The following ARV1 variants were observed in gnomAD, a reference collection of about 807,000 sequenced individuals.
ARV1 encodes ARV1 fatty acid homeostasis modulator, also known as protein ARV1.
A neutral mutation model predicts 31.1 loss-of-function variants in ARV1; 26 were observed. The ratio of observed to expected loss-of-function variants is 0.84; its 90% CI spans 0.61 to 1.16. The LOEUF (loss-of-function observed/expected upper bound fraction) is 1.16, where lower values mean the gene tolerates loss of function less well. ARV1 is among the 50% of genes most tolerant of loss of function. The pLI is 0.00. For missense variants in ARV1, 281 were observed against 324.9 expected, an observed-to-expected ratio of 0.86 and a Z score of 1.04; for synonymous variants, 117 against 123.2, an observed-to-expected ratio of 0.95 and a Z score of 0.34.
chr1:230,979,441 C>T lies in ARV1; in HGVS notation c.174+162C>T, dbSNP rs745759731. ...TGTACTGATAGAGAACTCAGCTACCCGACAGCGCTTTTCTCATACTGGGGC... is the reference window on the plus strand; with the variant it reads ...TGTACTGATAGAGAACTCAGCTACCTGACAGCGCTTTTCTCATACTGGGGC... On this transcript the variant is annotated intron_variant, in intron 1 of 5. Transcript: ENST00000310256. 2.7e-4 allele frequency: 216 copies of T among 807,024 alleles called. 2 individuals carry two copies. Among genetic ancestry groups the T allele is most frequent in the Middle Eastern group, 1.4e-3 (4 of 2,874 alleles). 50.0% of individuals were successfully genotyped at this position (807,024 alleles called of 1,614,324 possible).
Position 230,995,946 on chromosome 1 carries a change from A to C in ARV1, c.635A>C (p.Lys212Thr). 1 of 1,613,946 alleles carries C rather than the reference A, an allele frequency of 6.2e-7. No homozygotes were observed. The highest frequency in any genetic ancestry group is 8.5e-7 in the Non-Finnish European group (1 of 1,179,970). The stretch of plus-strand genomic sequence containing the variant: ...ACATCTGTGTGCCTCAAACTCATTA[A>C]AGTATTTGTTCTTACATCAAATTTT... ...DYTSVCLKLIKVFVLTSNFQA... is the reference protein window; with the variant it reads ...DYTSVCLKLITVFVLTSNFQA... The change falls in exon 4 of 6, where the codon AAA (lysine) becomes ACA (threonine). Residue 212 changes from lysine (K) to threonine (T), a missense_variant. Coordinates refer to ENST00000310256, the MANE Select transcript of ARV1 (RefSeq NM_022786.3).
chr1:230,981,120 A>C (rs931321305), intron 1 of ARV1, among the ~76,000 whole-genome samples: 1 of 152,008 alleles, frequency 6.6e-6, no homozygotes, highest in African/African-American at 2.4e-5. Context: ...GTTACCCCTC[A>C]ATCTCCTTTC....
chr1:230,986,293 C>A (rs1438679249), intron 1 of ARV1, among the ~76,000 whole-genome samples: 1 of 152,134 alleles, frequency 6.6e-6, no homozygotes, highest in African/African-American at 2.4e-5. Flanking sequence ...AACTGGAAAA[C>A]ATACCTATTC....
chr1:230,981,621 T>A (rs1678911045), intron 1 of ARV1, among the ~76,000 whole-genome samples: 1 of 152,184 alleles, frequency 6.6e-6, no homozygotes, highest in Non-Finnish European at 1.5e-5. Flanking sequence ...CCCTACATCA[T>A]CCTTGTACCT....
intron 1 of ARV1, among the ~76,000 whole-genome samples, chr1:230,980,004 C>T (rs1678810628): frequency 6.6e-6 from 1 of 152,184 alleles, no homozygotes; most frequent in East Asian, 1.9e-4. Flanking sequence ...ATAGACAGTA[C>T]ATTTTTGTCC....
chr1:230,989,754 A>G (rs1679178694), intron 2 of ARV1, among the ~76,000 whole-genome samples: 1 of 152,244 alleles, frequency 6.6e-6, no homozygotes, highest in Non-Finnish European at 1.5e-5. Context: ...GACAGAAATC[A>G]AAAATGTATA....
At chr1:230,998,370 C>G (rs1424493915) in intron 5 of ARV1, among the ~76,000 whole-genome samples, 1 of 152,206 alleles carries the variant, frequency 6.6e-6, no homozygotes, top group African/African-American at 2.4e-5. Context: ...TCCTAACATG[C>G]CATCCTCCAC....
chr1:230,979,416 T>C, intron 1 of ARV1, 137 bp downstream of exon 1: 2 of 1,013,470 alleles, frequency 2.0e-6, no homozygotes, highest in Non-Finnish European at 2.9e-6. Flanking sequence ...CATGAATATC[T>C]GTACTGATAG....
chr1:230,994,540 A>ATTTT (rs34618657), intron 3 of ARV1, among the ~76,000 whole-genome samples: 2 of 134,074 alleles, frequency 1.5e-5, no homozygotes, highest in Non-Finnish European at 3.2e-5. Flanking sequence ...AACCATCCTA[A>ATTTT]TTTTTTTTTT....
chr1:230,997,120 G>A lies in ARV1; in HGVS notation c.674-1G>A, dbSNP rs1429820793. Reference sequence around the variant, plus strand: ...CTTATTGGCTGCCTTCTCCTTTCCAGTGACCCTAAACATCAACCGTAAGCT... The same window carrying A: ...CTTATTGGCTGCCTTCTCCTTTCCAATGACCCTAAACATCAACCGTAAGCT... On this transcript the variant is annotated splice_acceptor_variant, in intron 4 of 5. Coordinates refer to ENST00000310256, the MANE Select transcript of ARV1 (RefSeq NM_022786.3). LOFTEE classifies it high-confidence loss of function. 1.9e-6 allele frequency: 3 copies of A among 1,613,184 alleles called. No individual in the cohort carries two copies. The South Asian group carries it at 3.3e-5, about 18-fold the overall frequency.
intron 1 of ARV1, among the ~76,000 whole-genome samples, chr1:230,982,807 C>A (rs1007104495): frequency 6.6e-6 from 1 of 152,162 alleles, no homozygotes. Flanking sequence ...CTCTGAGATA[C>A]AAAAAGTAAG....
Position 230,979,163 on chromosome 1 carries a change from G to C in ARV1, c.58G>C (p.Ala20Pro). The change falls in exon 1 of 6, where the codon GCA becomes CCA. Residue 20 changes from alanine (A) to proline (P), a missense_variant. By Grantham distance (27) the Ala-to-Pro change is conservative. Transcript: ENST00000310256. The part of the protein sequence containing the change: ...QQGKGNVDGV[A>P]ATPTAASASC... ...GGGGAAGGGGAACGTGGATGGGGTG[G>C]CAGCGACTCCTACTGCTGCCTCGGC... is the stretch of plus-strand genomic sequence containing the variant. 3 of 1,613,048 alleles carry C rather than the reference G, an allele frequency of 1.9e-6. No homozygotes were observed. Among genetic ancestry groups the C allele is most frequent in the Non-Finnish European group, 2.5e-6 (3 of 1,179,696 alleles).
chr1:230,984,371 T>TGCGC (rs1189194460), intron 1 of ARV1, among the ~76,000 whole-genome samples: 28 of 85,560 alleles, frequency 3.3e-4, no homozygotes, highest in African/African-American at 8.3e-4. Context: ...TGCGTGTGTG[T>TGCGC]GTGTGTGTGT....
At position 231,000,510 on chromosome 1, in the gene ARV1, T is replaced by C. The variant is rs1233943479; in HGVS notation, c.*377T>C. ...CATTCCTTTGACATGTTTATATCTT[T>C]TTAATTTAAATGTTGTTACTGGCTT... is the stretch of plus-strand genomic sequence containing the variant. On this transcript the variant is annotated 3_prime_UTR_variant, in exon 6 of 6. Transcript: ENST00000310256. 6.6e-6 allele frequency: 1 copy of C among 152,250 alleles called. No homozygotes were observed. The highest frequency in any genetic ancestry group is 1.5e-5 in the Non-Finnish European group (1 of 68,036). 9.4% of individuals were successfully genotyped at this position (152,250 alleles called of 1,614,324 possible).
intron 3 of ARV1, among the ~76,000 whole-genome samples, chr1:230,994,877 A>G (rs1679319471): frequency 1.3e-5 from 2 of 152,144 alleles, no homozygotes; most frequent in Admixed American, 1.3e-4. Flanking sequence ...AATTACCTAC[A>G]TTTGGAACCT....
At chr1:230,991,102 C>T (rs770967624) in intron 3 of ARV1, among the ~76,000 whole-genome samples, 33 of 152,178 alleles carry the variant, frequency 2.2e-4, no homozygotes, top group Admixed American at 1.4e-3. Flanking sequence ...AAGTGCTTTT[C>T]AGAATTTCAC....
At chr1:230,984,363 C>CGTGTGCGTGTGTGT (rs1678997142) in intron 1 of ARV1, among the ~76,000 whole-genome samples, 5 of 129,840 alleles carry the variant, frequency 3.9e-5, no homozygotes, top group African/African-American at 1.1e-4. Flanking sequence ...TGTGTGTGTG[C>CGTGTGCGTGTGTGT]GTGTGTGTGT....
intron 1 of ARV1, chr1:230,979,608 C>G (rs12030054): frequency 3.2e-6 from 1 of 308,618 alleles, no homozygotes; most frequent in Non-Finnish European, 6.0e-6. Context: ...TAGCTCTTCT[C>G]CCTTTGACAG....
chr1:230,990,250 G>A lies in ARV1; in HGVS notation c.435G>A (p.Ala145=), dbSNP rs754524756. The change falls in exon 3 of 6, where the codon GCG becomes GCA. Residue 145 remains alanine, a synonymous_variant. Transcript: ENST00000310256. ...AATGGGATTTCTATAGAATGTTTGC[G>A]ATTGCTGCTTTAGGTAAGGAGATGC... ...AKEWDFYRMF[A]IAALEQTAYF... is the part of the protein sequence containing the mutation. The A allele has an allele frequency of 2.5e-6, 4 of 1,612,664 alleles. No individual in the cohort carries two copies. The highest frequency in any genetic ancestry group is 1.3e-5 in the African/African-American group (1 of 74,974).
Sources: gnomAD v4.1 joint callset for allele counts (sites outside exome capture counted in the v4.1 genomes callset) on GRCh38, gnomAD v4.1.1 for gene constraint, MANE v1.5 for transcripts, NCBI Gene and HGNC (gene_info 2026-07-23, HGNC 2026-07-21) for gene names.